PLD2: variants seen among roughly 807,000 people sequenced by gnomAD.
PLD2 encodes the protein phospholipase D2.
In PLD2, 101 loss-of-function variants were observed where a neutral mutation model predicts 119.8. The ratio of observed to expected loss-of-function variants is 0.84; its 90% CI spans 0.72 to 0.99. PLD2 has a LOEUF of 0.99. Among genes scored for constraint, PLD2 ranks in the 50% least tolerant of loss-of-function variants. The pLI, the probability that PLD2 is intolerant of heterozygous loss-of-function variation, is 0.00. For missense variants in PLD2, 1,164 were observed against 1,226.8 expected (o/e 0.95, Z 0.76); for synonymous variants, 494 against 482.8 (o/e 1.02, Z -0.30).
chr17:4,816,522 G>T, intron 14 of PLD2, 98 bp from the exon 15 acceptor site: 1 of 1,254,468 alleles, frequency 8.0e-7, no homozygotes, highest in Non-Finnish European at 1.2e-6. Flanking sequence ...TCTTCCTCTC[G>T]GTCTCTCTCA....
At chr17:4,817,939 CAG>C in intron 17 of PLD2, 61 bp from the exon 18 acceptor site, 1 of 1,191,760 alleles carries the variant, frequency 8.4e-7, no homozygotes, top group Non-Finnish European at 1.2e-6. Context: ...GCCTAGGCAA[CAG>C]AGCGAGACTC....
At position 4,808,994 on chromosome 17, in the gene PLD2, A is replaced by C; in HGVS notation, c.384-106A>C. On this transcript the variant is annotated intron_variant, in intron 4 of 24. Coordinates refer to ENST00000263088, the MANE Select transcript of PLD2 (RefSeq NM_002663.5). The surrounding 1 kb of genome is among the most constrained non-coding windows in gnomAD (Gnocchi z 4.1). ...CAGGCGTGAGCCACCACGCCTGGCC[A>C]CCTCCAGGCCTCTTCTTTTCCTCCG... is the stretch of plus-strand genomic sequence containing the variant. 3 of 846,182 alleles carry C rather than the reference A, an allele frequency of 3.5e-6. No individual in the cohort carries two copies. Among genetic ancestry groups the C allele is most frequent in the Non-Finnish European group, 5.8e-6 (3 of 513,632 alleles). The allele number at this position is 846,182 out of a possible 1,614,324, so 52.4% of individuals were successfully genotyped here.
Position 4,809,747 on chromosome 17 carries a change from G to A in PLD2, c.671G>A (p.Cys224Tyr), listed in dbSNP as rs751530331. 1 of 1,614,246 alleles carries A rather than the reference G, an allele frequency of 6.2e-7. No individual in the cohort carries two copies. Among genetic ancestry groups the A allele is most frequent in the East Asian group, 2.2e-5 (1 of 44,886 alleles). Residue 224 changes from cysteine (C) to tyrosine (Y), a missense_variant, in exon 8 of 25, where the codon TGT becomes TAT. Physicochemically the swap from Cys to Tyr is radical, Grantham distance 194. Coordinates refer to ENST00000263088, the MANE Select transcript of PLD2 (RefSeq NM_002663.5). ...CACCGTGTTCCTGGCCTCACCTGCT[G>A]TGGCCGAGACCAAGTTTGTTATCGC... Reference protein sequence around the residue: ...GGHRVPGLTCCGRDQVCYRWS... With the variant: ...GGHRVPGLTCYGRDQVCYRWS...
At chr17:4,813,183 T>C (rs1166090480) in intron 10 of PLD2, among the ~76,000 whole-genome samples, 13 of 152,152 alleles carry the variant, frequency 8.5e-5, no homozygotes, top group Admixed American at 6.6e-4. Context: ...CTGATTTTTG[T>C]ATTTTTAGTA....
At position 4,808,090 on chromosome 17, in the gene PLD2, C is replaced by G. The variant is rs1906057130; in HGVS notation, c.216C>G (p.Thr72=). 1 of 1,611,500 alleles carries G rather than the reference C, an allele frequency of 6.2e-7. No homozygotes were observed. Among genetic ancestry groups the G allele is most frequent in the Non-Finnish European group, 8.5e-7 (1 of 1,177,954 alleles). ...CTGTCACAGCCCAGGTGGTGGGCACCGAAAGATATACCAGCGGATCCAAGG... is the reference window on the plus strand; with the variant it reads ...CTGTCACAGCCCAGGTGGTGGGCACGGAAAGATATACCAGCGGATCCAAGG... ...GVPVTAQVVG[T]ERYTSGSKVG... The change falls in exon 3 of 25, where the codon ACC becomes ACG. Residue 72 remains threonine (T), a synonymous_variant. Coordinates refer to ENST00000263088, the MANE Select transcript of PLD2 (RefSeq NM_002663.5). This position sits in a 1 kb window ranked among gnomAD's most constrained non-coding sequence, Gnocchi z 4.1.
Position 4,822,813 on chromosome 17 carries a change from G to A in PLD2, c.2751G>A (p.Leu917=), listed in dbSNP as rs923771890. Residue 917 remains leucine (L), a synonymous_variant, in exon 25 of 25, where the codon CTG becomes CTA. Coordinates refer to ENST00000263088, the MANE Select transcript of PLD2 (RefSeq NM_002663.5). ...PLKFLEDESL[L]PPLGSKEGMI... ...AGTTCCTAGAGGATGAGTCTTTGCT[G>A]CCCCCGCTGGGTAGCAAGGAGGGCA... The A allele has an allele frequency of 3.7e-6, 6 of 1,613,210 alleles. No individual in the cohort carries two copies. Among genetic ancestry groups the A allele is most frequent in the Non-Finnish European group, 4.2e-6 (5 of 1,179,318 alleles).
chr17:4,814,530 G>A (rs1234126412), intron 11 of PLD2, 29 bp downstream of exon 11: 1 of 1,612,928 alleles, frequency 6.2e-7, no homozygotes, highest in Non-Finnish European at 8.5e-7. Flanking sequence ...CAACAACATG[G>A]GGCAGGATAG....
intron 9 of PLD2, 21 bp downstream of exon 9, chr17:4,810,050 G>A: frequency 6.2e-7 from 1 of 1,610,902 alleles, no homozygotes; most frequent in Non-Finnish European, 8.5e-7. Context: ...CCTGGGGTGA[G>A]AGACACCAGC....
chr17:4,819,313 G>C lies in PLD2; in HGVS notation c.2308+95G>C. On this transcript the variant is annotated intron_variant, in intron 22 of 24. Transcript: ENST00000263088. This position sits in a 1 kb window ranked among gnomAD's most constrained non-coding sequence, Gnocchi z 4.2. ...GACAGAGACTGCAGCTGAGGCTCGT[G>C]TAGGGGTGGAGGGTCCAAGAAGGAA... The C allele has an allele frequency of 3.1e-6, 5 of 1,593,750 alleles. No individual in the cohort carries two copies. Among genetic ancestry groups the C allele is most frequent in the Non-Finnish European group, 4.3e-6 (5 of 1,167,526 alleles).
intron 10 of PLD2, among the ~76,000 whole-genome samples, chr17:4,812,021 A>G (rs1906521890): frequency 6.6e-6 from 1 of 150,768 alleles, no homozygotes; most frequent in Non-Finnish European, 1.5e-5. Context: ...TAAAAATTAG[A>G]CGGGTGTGGT....
intron 23 of PLD2, chr17:4,821,527 G>T: frequency 3.6e-6 from 1 of 276,872 alleles, no homozygotes. Flanking sequence ...CCAAGTAGCT[G>T]GGACTATAGG....
rs1907205922 is a variant in PLD2 at position 4,817,990 on chromosome 17, A to G, written c.1816-12A>G. On this transcript the variant is annotated splice_polypyrimidine_tract_variant and intron_variant, in intron 17 of 24. Transcript: ENST00000263088. ...AAAAGAAATGAAGCACATCGCATTC[A>G]CCATTCCCTAGGTCTTGCGATCAGT... is the stretch of plus-strand genomic sequence containing the variant. 1 of 1,579,028 alleles carries G rather than the reference A, an allele frequency of 6.3e-7. No homozygotes were observed.
rs1387757287 is a variant in PLD2 at position 4,817,179 on chromosome 17, C to A, written c.1735C>A (p.Pro579Thr). 2 of 1,613,814 alleles carry A rather than the reference C, an allele frequency of 1.2e-6. No homozygotes were observed. Among genetic ancestry groups the A allele is most frequent in the Non-Finnish European group, 1.7e-6 (2 of 1,179,812 alleles). ...GGCCAAGTACAAGACTCCCACATAC[C>A]CCTACCTGCTTCCCAAGTCTACCAG... ...TKAKYKTPTYPYLLPKSTSTA... is the reference protein window; with the variant it reads ...TKAKYKTPTYTYLLPKSTSTA... Residue 579 changes from proline to threonine, a missense_variant, in exon 17 of 25, where the codon CCC (proline) becomes ACC (threonine). Pro to Thr is a conservative substitution (Grantham distance 38). Coordinates refer to ENST00000263088, the MANE Select transcript of PLD2 (RefSeq NM_002663.5).
rs750840062 is a variant in PLD2 at position 4,815,762 on chromosome 17, A to G, written c.1285-2A>G. The stretch of plus-strand genomic sequence containing the variant: ...CTCATGAACCCTCCATGCCTGCTCC[A>G]GGTGATGCGTCACCCAGACCAAGTG... On this transcript the variant is annotated splice_acceptor_variant, in intron 13 of 24. Transcript: ENST00000263088. LOFTEE classifies it high-confidence loss of function. The G allele has an allele frequency of 6.2e-6, 10 of 1,613,672 alleles. No homozygotes were observed. The highest frequency in any genetic ancestry group is 6.8e-6 in the Non-Finnish European group (8 of 1,179,880).
intron 24 of PLD2, among the ~76,000 whole-genome samples, chr17:4,822,430 T>G (rs1431151730): frequency 4.7e-5 from 7 of 150,304 alleles, no homozygotes; most frequent in African/African-American, 1.7e-4. Context: ...AGGTGGAGAT[T>G]GTAGTGAGCC....
chr17:4,812,147 G>A (rs1181483045), intron 10 of PLD2, among the ~76,000 whole-genome samples: 9 of 149,092 alleles, frequency 6.0e-5, no homozygotes, highest in South Asian at 2.1e-4. Context: ...GCAGAGTTTC[G>A]CTCTTGTTGC....
chr17:4,816,044 C>T (rs1465264460), intron 14 of PLD2, 110 bp downstream of exon 14: 1 of 813,042 alleles, frequency 1.2e-6, no homozygotes, highest in East Asian at 2.4e-5. Flanking sequence ...CTGCCAACCT[C>T]AGGGTTCCTC....
chr17:4,821,924 G>T lies in PLD2; in HGVS notation c.2577+17G>T, dbSNP rs779265134. On this transcript the variant is annotated intron_variant, in intron 24 of 24. Coordinates refer to ENST00000263088, the MANE Select transcript of PLD2 (RefSeq NM_002663.5). Reference sequence around the variant, plus strand: ...TATGAGCAGGTGGGAACTTGGGAGGGGTGGGGGAGAGTGGCCTGGGGAAAT... The same window carrying T: ...TATGAGCAGGTGGGAACTTGGGAGGTGTGGGGGAGAGTGGCCTGGGGAAAT... 6.4e-7 allele frequency: 1 copy of T among 1,552,782 alleles called. No individual in the cohort carries two copies. Among genetic ancestry groups the T allele is most frequent in the South Asian group, 1.1e-5 (1 of 89,858 alleles).
intron 7 of PLD2, 26 bp downstream of exon 7, chr17:4,809,577 G>A (rs1906224593): frequency 6.2e-7 from 1 of 1,605,158 alleles, no homozygotes; most frequent in Admixed American, 1.7e-5. Context: ...CCTTCACCCA[G>A]GCATCCGTAG....
Sources: gnomAD v4.1 joint callset for allele counts (sites outside exome capture counted in the v4.1 genomes callset) on GRCh38, gnomAD v4.1.1 for gene constraint, Gnocchi (gnomAD v3.1) non-coding constraint, MANE v1.5 for transcripts, NCBI Gene and HGNC (gene_info 2026-07-23, HGNC 2026-07-21) for gene names.